CHST9: variants seen among roughly 807,000 people sequenced by gnomAD.
CHST9 encodes carbohydrate sulfotransferase 9.
In CHST9, 41 loss-of-function variants were observed where a neutral mutation model predicts 44.4. That is an observed-to-expected ratio of 0.92 (90% CI 0.72 to 1.20). The LOEUF (loss-of-function observed/expected upper bound fraction) is 1.20. CHST9 is among the 50% of genes most tolerant of loss of function. The pLI, the probability that CHST9 is intolerant of heterozygous loss-of-function variation, is 0.00. For synonymous variants in CHST9, 171 were observed against 178.4 expected (o/e 0.96, Z 0.33); for missense variants, 504 against 516.5 (o/e 0.98, Z 0.23).
At chr18:27,122,019 A>AGAGGCT (rs943035860) in intron 2 of CHST9, among the ~76,000 whole-genome samples, 14 of 152,252 alleles carry the variant, frequency 9.2e-5, no homozygotes, top group African/African-American at 3.4e-4. Flanking sequence ...GAAGCTCGTG[A>AGAGGCT]GAGGCTGAGG....
At chr18:26,929,636 C>A (rs548697533) in intron 5 of CHST9, among the ~76,000 whole-genome samples, 1 of 152,208 alleles carries the variant, frequency 6.6e-6, no homozygotes, top group South Asian at 2.1e-4. Context: ...ATGAGGGGAC[C>A]TGGAGCAAAA....
intron 4 of CHST9, among the ~76,000 whole-genome samples, chr18:26,973,823 C>T (rs2056583817): frequency 6.6e-6 from 1 of 152,168 alleles, no homozygotes; most frequent in African/African-American, 2.4e-5. Flanking sequence ...TGCTATTCTT[C>T]CTTTTAACCT....
chr18:27,015,844 ATTTGGG>A (rs1235222067), intron 4 of CHST9, among the ~76,000 whole-genome samples: 5 of 152,072 alleles, frequency 3.3e-5, no homozygotes, highest in African/African-American at 1.2e-4. Flanking sequence ...TGTCTGTGAG[ATTTGGG>A]TCCCTCGCAA....
chr18:26,988,299 T>C (rs2056777201), intron 4 of CHST9, among the ~76,000 whole-genome samples: 1 of 152,142 alleles, frequency 6.6e-6, no homozygotes, highest in Non-Finnish European at 1.5e-5. Flanking sequence ...CACAACAATA[T>C]TCTGCCTTTA....
At chr18:27,103,376 G>C (rs1291945895) in intron 2 of CHST9, among the ~76,000 whole-genome samples, 1 of 152,220 alleles carries the variant, frequency 6.6e-6, no homozygotes, top group Non-Finnish European at 1.5e-5. Flanking sequence ...TCAGTGGACA[G>C]GCAGTGCCTC....
At chr18:26,927,996 T>A (rs1408398762) in intron 5 of CHST9, among the ~76,000 whole-genome samples, 1 of 121,514 alleles carries the variant, frequency 8.2e-6, no homozygotes, top group African/African-American at 2.8e-5. Flanking sequence ...GTGATGACTT[T>A]TAACAGCACG....
intron 4 of CHST9, among the ~76,000 whole-genome samples, chr18:26,960,156 G>A (rs549627749): frequency 3.3e-5 from 5 of 152,288 alleles, no homozygotes; most frequent in South Asian, 4.1e-4. Flanking sequence ...CCCACAGGAG[G>A]CAGAAATAGA....
intron 1 of CHST9, among the ~76,000 whole-genome samples, chr18:27,176,554 G>C (rs970209992): frequency 6.6e-6 from 1 of 152,014 alleles, no homozygotes; most frequent in South Asian, 2.1e-4. Flanking sequence ...CAGAGATCAG[G>C]AGTTTGATTT....
chr18:26,923,304 A>G (rs760552533), intron 5 of CHST9, among the ~76,000 whole-genome samples: 1 of 152,178 alleles, frequency 6.6e-6, no homozygotes, highest in Non-Finnish European at 1.5e-5. Context: ...TCCTCTGTTT[A>G]TTGTGTTTTA....
intron 5 of CHST9, among the ~76,000 whole-genome samples, chr18:26,932,278 C>G (rs953026406): frequency 6.6e-6 from 1 of 152,202 alleles, no homozygotes; most frequent in Admixed American, 6.5e-5. Flanking sequence ...ATAAACCACA[C>G]AGAGATTGTG....
rs1216152999 is a variant in CHST9, at chr18:26,917,066, T to C, written c.525A>G (p.Gln175=). 41 of 1,613,856 alleles carry C rather than the reference T, an allele frequency of 2.5e-5. No homozygotes were observed. Among genetic ancestry groups the C allele is most frequent in the Non-Finnish European group, 3.4e-5 (40 of 1,179,882 alleles). The change falls in exon 6 of 6, where the codon CAA becomes CAG. Residue 175 remains glutamine, a synonymous_variant. Coordinates refer to ENST00000618847, the MANE Select transcript of CHST9 (RefSeq NM_031422.6). The stretch of plus-strand genomic sequence containing the variant: ...CCTGAAGGAAAGACCTTCGTTTCTC[T>C]TGGGTCTCCTCAGTTTTCTTCCATT... ...DNKWKKTEET[Q]EKRRSFLQEF...
intron 1 of CHST9, among the ~76,000 whole-genome samples, chr18:27,177,983 C>T (rs2058881847): frequency 6.6e-6 from 1 of 151,978 alleles, no homozygotes; most frequent in South Asian, 2.1e-4. Context: ...CCAACAACTT[C>T]AATTTCATCT....
intron 2 of CHST9, among the ~76,000 whole-genome samples, chr18:27,070,182 G>A (rs962709086): frequency 6.6e-6 from 1 of 152,114 alleles, no homozygotes; most frequent in Non-Finnish European, 1.5e-5. Flanking sequence ...CCCTAAGTTT[G>A]ACAATTAACA....
chr18:27,014,894 C>G (rs1005772845), intron 4 of CHST9, among the ~76,000 whole-genome samples: 2 of 151,988 alleles, frequency 1.3e-5, no homozygotes, highest in Non-Finnish European at 2.9e-5. Context: ...CTTTTAGGGT[C>G]TCTCTCTTTT....
At position 26,995,333 on chromosome 18, in the gene CHST9, G is replaced by A. The variant is rs1033459142; in HGVS notation, c.202+28783C>T. The stretch of plus-strand genomic sequence containing the variant: ...GGCGCCTGTAGTCTCAGTTACTCGG[G>A]AGGCTGATGCAGGAGAATGGCATGA... On this transcript the variant is annotated intron_variant, in intron 4 of 5. Transcript: ENST00000618847. Among the ~76,000 whole-genome samples, 6 of 151,558 alleles carry A rather than the reference G, an allele frequency of 4.0e-5. No individual in the cohort carries two copies. In the South Asian group the frequency reaches 1.3e-3, roughly 32 times the overall value.
chr18:27,047,388 T>TGTG (rs2057514027), intron 3 of CHST9, among the ~76,000 whole-genome samples: 2 of 145,654 alleles, frequency 1.4e-5, no homozygotes, highest in African/African-American at 2.6e-5. Flanking sequence ...GCCTTCATAA[T>TGTG]TGTGTGTGTG....
chr18:27,175,025 G>A (rs200628871), intron 1 of CHST9, among the ~76,000 whole-genome samples: 3 of 152,018 alleles, frequency 2.0e-5, no homozygotes, highest in Non-Finnish European at 4.4e-5. Flanking sequence ...ATTCAGTCAC[G>A]AATGTTAGCA....
intron 2 of CHST9, among the ~76,000 whole-genome samples, chr18:27,074,884 T>G (rs1206396026): frequency 3.4e-5 from 5 of 148,092 alleles, no homozygotes; most frequent in African/African-American, 1.2e-4. Flanking sequence ...TCTATATATC[T>G]AATATATAAA....
At chr18:27,169,414 T>C (rs1370338243) in intron 1 of CHST9, among the ~76,000 whole-genome samples, 1 of 152,084 alleles carries the variant, frequency 6.6e-6, no homozygotes, top group Non-Finnish European at 1.5e-5. Context: ...CAAAAATTGA[T>C]AGAACTATAA....
Sources: allele counts gnomAD v4.1 joint callset (sites outside exome capture counted in the v4.1 genomes callset), GRCh38; gene constraint gnomAD v4.1.1; transcripts MANE v1.5; gene names NCBI Gene and HGNC (gene_info 2026-07-23, HGNC 2026-07-21).